Variants in SLC13A5 observed in about 807,000 individuals in gnomAD.
SLC13A5 encodes Na(+)/citrate cotransporter.
SLC13A5 carries 25 observed loss-of-function variants against 56.5 expected under a neutral mutation model. The ratio of observed to expected loss-of-function variants is 0.44; its 90% CI spans 0.32 to 0.62. The LOEUF (loss-of-function observed/expected upper bound fraction) is 0.62, where lower values mean the gene tolerates loss of function less well. SLC13A5 is among the 20% of genes least tolerant of loss of function. The pLI is 0.04. For missense variants in SLC13A5, 649 were observed against 737.8 expected (o/e 0.88, Z 1.39); for synonymous variants, 307 against 301.5 (o/e 1.02, Z -0.19).
In SLC13A5 at chr17:6,711,733, G is replaced by A. The variant is rs758226770; in HGVS notation, c.102+1499C>T. Reference sequence around the variant, plus strand: ...AGAGTGTGTATGTGTGTGTGTGTGAGTGGGGTCTCCTGTGGCAGGAAGGTC... The same window carrying A: ...AGAGTGTGTATGTGTGTGTGTGTGAATGGGGTCTCCTGTGGCAGGAAGGTC... On this transcript the variant is annotated intron_variant, in intron 1 of 11. Coordinates refer to ENST00000433363, the MANE Select transcript of SLC13A5 (RefSeq NM_177550.5). The surrounding 1 kb of genome is among the most constrained non-coding windows in gnomAD (Gnocchi z 4.0). Among the ~76,000 whole-genome samples the A allele has an allele frequency of 6.6e-6, 1 of 151,868 alleles. No homozygotes were observed. Among genetic ancestry groups the A allele is most frequent in the Non-Finnish European group, 1.5e-5 (1 of 67,966 alleles).
At chr17:6,710,989 G>A (rs1465116004) in intron 1 of SLC13A5, among the ~76,000 whole-genome samples, 1 of 152,048 alleles carries the variant, frequency 6.6e-6, no homozygotes, top group Non-Finnish European at 1.5e-5. Flanking sequence ...AAGACCCAGA[G>A]GAAGGATAGA....
chr17:6,691,212 T>C (rs1973398336), intron 9 of SLC13A5, among the ~76,000 whole-genome samples: 1 of 152,186 alleles, frequency 6.6e-6, no homozygotes, highest in Admixed American at 6.5e-5. Context: ...AGACTCAACA[T>C]GCTCCACCCT....
rs1427706570 is a variant in SLC13A5 at position 6,701,714 on chromosome 17, GA to G, written c.717-589del. Among the ~76,000 whole-genome samples the G allele has an allele frequency of 6.6e-6, 1 of 151,534 alleles. No homozygotes were observed. The highest frequency in any genetic ancestry group is 2.4e-5 in the African/African-American group (1 of 41,286). ...GACAGAGCGAGACTTGTCTCAAAAA[GA>G]AAAAAAAGAAAAATACACCTTTTAT... On this transcript the variant is annotated intron_variant, in intron 5 of 11. Coordinates refer to ENST00000433363, the MANE Select transcript of SLC13A5 (RefSeq NM_177550.5). This position sits in a 1 kb window ranked among gnomAD's most constrained non-coding sequence, Gnocchi z 4.1.
At position 6,692,927 on chromosome 17, in the gene SLC13A5, C is replaced by A. The variant is rs952486114; in HGVS notation, c.1275+117G>T. 3 of 776,104 alleles carry A rather than the reference C, an allele frequency of 3.9e-6. No homozygotes were observed. Among genetic ancestry groups the A allele is most frequent in the Non-Finnish European group, 4.6e-6 (2 of 435,728 alleles). The allele number at this position is 776,104 out of a possible 1,614,324, so 48.1% of individuals were successfully genotyped here. On this transcript the variant is annotated intron_variant, in intron 9 of 11. Transcript: ENST00000433363. This position sits in a 1 kb window ranked among gnomAD's most constrained non-coding sequence, Gnocchi z 5.5. ...AGAGTCCATGTCCTCAAGGAATGTG[C>A]GGTTATACGAAGGATGCAGGCACAG...
At position 6,692,894 on chromosome 17, in the gene SLC13A5, G is replaced by GACA; in HGVS notation, c.1275+147_1275+149dup. 3.0e-6 allele frequency: 2 copies of GACA among 662,500 alleles called. No individual in the cohort carries two copies. The highest frequency in any genetic ancestry group is 3.4e-5 in the South Asian group (2 of 58,114). The allele number at this position is 662,500 out of a possible 1,614,324, so 41.0% of individuals were successfully genotyped here. On this transcript the variant is annotated intron_variant, in intron 9 of 11. Coordinates refer to ENST00000433363, the MANE Select transcript of SLC13A5 (RefSeq NM_177550.5). This position sits in a 1 kb window ranked among gnomAD's most constrained non-coding sequence, Gnocchi z 5.5. ...TGTGTGTGGTGTAGAGTTCCTAGAT[G>GACA]ACAAGACAGAGTCCATGTCCTCAAG...
In SLC13A5 at chr17:6,706,620, AAG is replaced by A. The variant is rs1246995802; in HGVS notation, c.368+20_368+21del. ...TGGGGCTCATGCAGAGCCACGTGGC[AAG>A]AGAGAGAAGGCGTAATTACCGTGCA... On this transcript the variant is annotated intron_variant, in intron 3 of 11. Transcript: ENST00000433363. The A allele has an allele frequency of 6.2e-7, 1 of 1,611,100 alleles. No individual in the cohort carries two copies.
chr17:6,703,704 A>C (rs1973780463), intron 4 of SLC13A5, among the ~76,000 whole-genome samples, 174 bp downstream of exon 4: 1 of 140,196 alleles, frequency 7.1e-6, no homozygotes, highest in Non-Finnish European at 1.5e-5. Context: ...GTTGTGTGCA[A>C]TAATCCCCTC....
chr17:6,690,096 C>CAAAAA (rs1567614272), intron 10 of SLC13A5: 2 of 72,160 alleles, frequency 2.8e-5, no homozygotes, highest in South Asian at 4.9e-4. Context: ...AAAAAAAAAA[C>CAAAAA]CATAGCCACT....
rs528343110 is a variant in SLC13A5 at position 6,695,683 on chromosome 17, G to A, written c.1055+43C>T. 335 of 1,602,470 alleles carry A rather than the reference G, an allele frequency of 2.1e-4. No individual in the cohort carries two copies. Among genetic ancestry groups the A allele is most frequent in the South Asian group, 2.2e-4 (20 of 90,560 alleles). On this transcript the variant is annotated intron_variant, in intron 7 of 11. Coordinates refer to ENST00000433363, the MANE Select transcript of SLC13A5 (RefSeq NM_177550.5). ...TGGGATTACATGTGTGAGCCAACGC[G>A]CCTGGCCCTAAGCCAGCGATTTCTA...
In SLC13A5 at chr17:6,684,874, C is replaced by A. The variant is rs1303419012; in HGVS notation, c.*1333G>T. The stretch of plus-strand genomic sequence containing the variant: ...CCCTGGAAAATGCCATCCAGGAGCT[C>A]ATCTCTTTGCTACTGCCTCTCTTCC... On this transcript the variant is annotated 3_prime_UTR_variant, in exon 12 of 12. Coordinates refer to ENST00000433363, the MANE Select transcript of SLC13A5 (RefSeq NM_177550.5). The A allele has an allele frequency of 6.6e-6, 1 of 152,180 alleles. No individual in the cohort carries two copies. The highest frequency in any genetic ancestry group is 2.4e-5 in the African/African-American group (1 of 41,440). 9.4% of individuals were successfully genotyped at this position (152,180 alleles called of 1,614,324 possible). A position where few individuals can be genotyped will look rare whatever the true frequency, so the allele number is the denominator to read the frequency against.
intron 9 of SLC13A5, among the ~76,000 whole-genome samples, chr17:6,691,148 T>C (rs1022141166): frequency 1.3e-5 from 2 of 152,252 alleles, no homozygotes; most frequent in Non-Finnish European, 2.9e-5. Flanking sequence ...TATGTGGATT[T>C]ACATACCCAT....
At chr17:6,691,128 G>A (rs1393398817) in intron 9 of SLC13A5, among the ~76,000 whole-genome samples, 188 bp from the exon 10 acceptor site, 3 of 152,192 alleles carry the variant, frequency 2.0e-5, no homozygotes, top group African/African-American at 7.2e-5. Context: ...TTTCCAGCCA[G>A]CTGGCCTACT....
In SLC13A5 at chr17:6,686,143, T is replaced by A; in HGVS notation, c.*64A>T. 1 of 1,606,914 alleles carries A rather than the reference T, an allele frequency of 6.2e-7. No homozygotes were observed. Among genetic ancestry groups the A allele is most frequent in the Non-Finnish European group, 8.5e-7 (1 of 1,175,592 alleles). On this transcript the variant is annotated 3_prime_UTR_variant, in exon 12 of 12. Coordinates refer to ENST00000433363, the MANE Select transcript of SLC13A5 (RefSeq NM_177550.5). ...GTGAACCCCAAAACTCTGTACAAGG[T>A]GTGCCAGAAGGTTCGGTAGTCCTGA...
chr17:6,706,887 C>T (rs758154654), intron 2 of SLC13A5, 109 bp from the exon 3 acceptor site: 13 of 1,560,436 alleles, frequency 8.3e-6, no homozygotes, highest in South Asian at 2.4e-5. Flanking sequence ...GATGCAGGCT[C>T]GAGTGGTGTC....
Position 6,685,991 on chromosome 17 carries a change from G to T in SLC13A5, c.*216C>A. On this transcript the variant is annotated 3_prime_UTR_variant, in exon 12 of 12. Coordinates refer to ENST00000433363, the MANE Select transcript of SLC13A5 (RefSeq NM_177550.5). This position sits in a 1 kb window ranked among gnomAD's most constrained non-coding sequence, Gnocchi z 4.2. ...AGATGGGTCCAGCAGCCCACTGAGG[G>T]GTTCCCTTCATTTCTGAGCCTACCC... The T allele has an allele frequency of 3.1e-6, 2 of 642,906 alleles. No homozygotes were observed. Among genetic ancestry groups the T allele is most frequent in the Non-Finnish European group, 5.3e-6 (2 of 373,898 alleles). 39.8% of individuals were successfully genotyped at this position (642,906 alleles called of 1,614,324 possible).
chr17:6,686,280 T>C lies in SLC13A5; in HGVS notation c.1634A>G (p.Asn545Ser). ...IGVFCVFLAV[N>S]TWGRAIFDLD... is the part of the protein sequence containing the mutation. ...GTCAAATATGGCCCGTCCCCAGGTG[T>C]TGACAGCCAAAAACACACAGAAGAC... is the stretch of plus-strand genomic sequence containing the variant. The change falls in exon 12 of 12, where the codon AAC becomes AGC. Residue 545 changes from asparagine to serine, a missense_variant. Transcript: ENST00000433363. 6.2e-7 allele frequency: 1 copy of C among 1,614,078 alleles called. No individual in the cohort carries two copies.
rs568827915 is a variant in SLC13A5 at position 6,685,268 on chromosome 17, C to T, written c.*939G>A. ...ACTCTGGGCCTCAGGTGAGGGAGGG[C>T]CTAGATAGCCCACTGTGGCCCCCAG... On this transcript the variant is annotated 3_prime_UTR_variant, in exon 12 of 12. Coordinates refer to ENST00000433363, the MANE Select transcript of SLC13A5 (RefSeq NM_177550.5). This position sits in a 1 kb window ranked among gnomAD's most constrained non-coding sequence, Gnocchi z 4.2. 17 of 152,308 alleles carry T rather than the reference C, an allele frequency of 1.1e-4. No individual in the cohort carries two copies. Among genetic ancestry groups the T allele is most frequent in the Non-Finnish European group, 1.9e-4 (13 of 68,026 alleles). The allele number at this position is 152,308 out of a possible 1,614,324, so 9.4% of individuals were successfully genotyped here. A position where few individuals can be genotyped will look rare whatever the true frequency, so the allele number is the denominator to read the frequency against.
Position 6,686,088 on chromosome 17 carries a change from T to C in SLC13A5, c.*119A>G. ...TGGCCCATTGGCTGGGTTTTGGTGG[T>C]GTGTGGACATCGTTGGGTCATTTTG... On this transcript the variant is annotated 3_prime_UTR_variant, in exon 12 of 12. Transcript: ENST00000433363. 1 of 1,438,660 alleles carries C rather than the reference T, an allele frequency of 7.0e-7. No individual in the cohort carries two copies. Among genetic ancestry groups the C allele is most frequent in the Non-Finnish European group, 9.5e-7 (1 of 1,053,512 alleles). The allele number at this position is 1,438,660 out of a possible 1,614,324, so 89.1% of individuals were successfully genotyped here.
chr17:6,689,030 CCT>C (rs770119543), intron 10 of SLC13A5: 19 of 152,136 alleles, frequency 1.2e-4, no homozygotes, highest in Admixed American at 2.0e-4. Context: ...CAGCAAACCC[CCT>C]GTTACTATGG....
Sources: gnomAD v4.1 joint callset for allele counts (sites outside exome capture counted in the v4.1 genomes callset) on GRCh38, gnomAD v4.1.1 for gene constraint, Gnocchi (gnomAD v3.1) non-coding constraint, MANE v1.5 for transcripts, NCBI Gene and HGNC (gene_info 2026-07-23, HGNC 2026-07-21) for gene names.